Variants in LSM12 observed in about 807,000 individuals in gnomAD.
LSM12 encodes the protein LSM12 homolog.
For synonymous variants in LSM12, 74 were observed against 87.3 expected (o/e 0.85, Z 0.85); for missense variants, 108 against 238.9 (o/e 0.45, Z 3.61).
At chr17:44,053,689 T>C (rs910899854) in intron 2 of LSM12, among the ~76,000 whole-genome samples, 1 of 152,184 alleles carries the variant, frequency 6.6e-6, no homozygotes, top group Non-Finnish European at 1.5e-5. Flanking sequence ...GGAAAAACAC[T>C]GCTGTTCTTC....
At chr17:44,050,904 G>A (rs977896336) in intron 2 of LSM12, among the ~76,000 whole-genome samples, 3 of 152,278 alleles carry the variant, frequency 2.0e-5, no homozygotes, top group East Asian at 1.9e-4. Context: ...GGAGATAGGC[G>A]GGTGGATACT....
At chr17:44,046,856 G>A (rs866621607) in intron 2 of LSM12, among the ~76,000 whole-genome samples, 2 of 138,770 alleles carry the variant, frequency 1.4e-5, no homozygotes, top group South Asian at 2.5e-4. Context: ...TCAGTCTCCC[G>A]AGTAGCTGGG....
intron 2 of LSM12, among the ~76,000 whole-genome samples, chr17:44,057,283 G>A (rs1194884374): frequency 6.7e-6 from 1 of 150,050 alleles, no homozygotes; most frequent in Non-Finnish European, 1.5e-5. Flanking sequence ...CCAAGTAGCT[G>A]GGACTACAGG....
At chr17:44,053,266 T>A (rs1323013381) in intron 2 of LSM12, among the ~76,000 whole-genome samples, 2 of 152,322 alleles carry the variant, frequency 1.3e-5, no homozygotes, top group Non-Finnish European at 2.9e-5. Flanking sequence ...CATGCCCATT[T>A]GTTTACACAT....
chr17:44,061,994 G>A (rs1459267806), intron 2 of LSM12, among the ~76,000 whole-genome samples: 2 of 152,064 alleles, frequency 1.3e-5, no homozygotes, highest in Non-Finnish European at 2.9e-5. Flanking sequence ...GGCCGAGGCG[G>A]GCGGATCACA....
In LSM12 at chr17:44,050,089, C is replaced by T. The variant is rs145260820; in HGVS notation, c.259-9833G>A. Among the ~76,000 whole-genome samples, 15 of 152,124 alleles carry T rather than the reference C, an allele frequency of 9.9e-5. No homozygotes were observed. The East Asian group carries it at 2.3e-3, about 24-fold the overall frequency. On this transcript the variant is annotated intron_variant, in intron 2 of 4. Coordinates refer to ENST00000293406, the MANE Select transcript of LSM12 (RefSeq NM_001371445.1). Reference sequence around the variant, plus strand: ...GAATCTGGGGTAGGCTCTTGGAAAGCCTTCATTCTTTTTATTTTTATTTTT... The same window carrying T: ...GAATCTGGGGTAGGCTCTTGGAAAGTCTTCATTCTTTTTATTTTTATTTTT...
intron 2 of LSM12, among the ~76,000 whole-genome samples, chr17:44,055,150 A>G (rs2049694573): frequency 6.6e-6 from 1 of 152,024 alleles, no homozygotes; most frequent in Admixed American, 6.6e-5. Context: ...GCACCCAGCC[A>G]GAAACATTTT....
intron 3 of LSM12, among the ~76,000 whole-genome samples, chr17:44,038,149 G>A (rs1450570797): frequency 1.3e-5 from 2 of 151,978 alleles, no homozygotes; most frequent in African/African-American, 2.4e-5. Flanking sequence ...AGGAGTTCGA[G>A]ACCAGACTGG....
intron 2 of LSM12, among the ~76,000 whole-genome samples, chr17:44,040,645 T>C (rs1377287488): frequency 6.6e-6 from 1 of 151,986 alleles, no homozygotes. Context: ...GCTGGGGGAC[T>C]ATGTGATGGC....
intron 3 of LSM12, among the ~76,000 whole-genome samples, chr17:44,039,536 C>T (rs1355431844): frequency 1.3e-5 from 2 of 150,856 alleles, no homozygotes; most frequent in African/African-American, 2.4e-5. Context: ...CGCCCGCCAC[C>T]GCGCCCGGCT....
intron 2 of LSM12, 87 bp downstream of exon 2, chr17:44,063,714 A>C: frequency 7.3e-7 from 1 of 1,368,984 alleles, no homozygotes; most frequent in Admixed American, 2.6e-5. Flanking sequence ...TAAAAAATAA[A>C]AAATAGACAA....
chr17:44,059,169 T>C (rs2049761836), intron 2 of LSM12, among the ~76,000 whole-genome samples: 2 of 151,960 alleles, frequency 1.3e-5, no homozygotes, highest in South Asian at 4.1e-4. Flanking sequence ...ACTATATCTC[T>C]AAAAAACAGA....
intron 3 of LSM12, among the ~76,000 whole-genome samples, chr17:44,038,369 A>AG (rs973573144): frequency 4.6e-5 from 7 of 151,654 alleles, no homozygotes; most frequent in African/African-American, 1.7e-4. Context: ...AAAAAAAAAA[A>AG]AAAAGAAAGG....
At chr17:44,037,099 G>C (rs2049426122) in intron 4 of LSM12, 1 of 197,030 alleles carries the variant, frequency 5.1e-6, no homozygotes, top group Non-Finnish European at 1.0e-5. Flanking sequence ...GCGAGACTCT[G>C]TCTCTAAAAA....
rs1365984392 is a variant in LSM12, at chr17:44,035,655, C to T, written c.*553G>A. ...ATATTTAAAGTTAAGAAAAATAAAA[C>T]TAATTCAAGCCATGCCCTGTGCAAA... On this transcript the variant is annotated 3_prime_UTR_variant, in exon 5 of 5. Coordinates refer to ENST00000293406, the MANE Select transcript of LSM12 (RefSeq NM_001371445.1). 1 of 30,694 alleles carries T rather than the reference C, an allele frequency of 3.3e-5. No individual in the cohort carries two copies. The highest frequency in any genetic ancestry group is 5.9e-5 in the Non-Finnish European group (1 of 17,034). 1.9% of individuals were successfully genotyped at this position (30,694 alleles called of 1,614,324 possible).
intron 3 of LSM12, among the ~76,000 whole-genome samples, chr17:44,038,573 T>A (rs532393266): frequency 3.3e-5 from 5 of 152,070 alleles, no homozygotes; most frequent in Non-Finnish European, 7.4e-5. Flanking sequence ...GAGAATCGCT[T>A]GAACCTGGGA....
chr17:44,056,203 G>A (rs962039213), intron 2 of LSM12, among the ~76,000 whole-genome samples: 4 of 151,776 alleles, frequency 2.6e-5, no homozygotes, highest in Non-Finnish European at 5.9e-5. Context: ...GCTGAGGTAG[G>A]AGAATTGCTT....
At position 44,034,555 on chromosome 17, in the gene LSM12, G is replaced by A. The variant is rs2049395706; in HGVS notation, c.*1653C>T. 6.6e-6 allele frequency: 1 copy of A among 152,502 alleles called. No individual in the cohort carries two copies. Among genetic ancestry groups the A allele is most frequent in the South Asian group, 2.1e-4 (1 of 4,826 alleles). The allele number at this position is 152,502 out of a possible 1,614,324, so 9.4% of individuals were successfully genotyped here. The stretch of plus-strand genomic sequence containing the variant: ...AATAGTAGGAAGAAGAGACTCTAAA[G>A]AGAAAGGTCAAATCAGACAGACATA... On this transcript the variant is annotated 3_prime_UTR_variant, in exon 5 of 5. Transcript: ENST00000293406.
intron 2 of LSM12, among the ~76,000 whole-genome samples, chr17:44,046,827 T>G (rs1597887840): frequency 7.0e-6 from 1 of 141,966 alleles, no homozygotes; most frequent in Admixed American, 7.3e-5. Context: ...GCCTCTGGGG[T>G]TCAAGTGATT....
Sources: gnomAD v4.1 joint callset for allele counts (sites outside exome capture counted in the v4.1 genomes callset) on GRCh38, gnomAD v4.1.1 for gene constraint, MANE v1.5 for transcripts, NCBI Gene and HGNC (gene_info 2026-07-23, HGNC 2026-07-21) for gene names.